The following TMPRSS15 variants were observed in gnomAD, a reference collection of about 807,000 sequenced individuals.
TMPRSS15 encodes the protein enteropeptidase.
Under a neutral mutation model 125.3 loss-of-function variants are expected in TMPRSS15, and 128 were observed. The ratio of observed to expected loss-of-function variants is 1.02; its 90% confidence interval spans 0.89 to 1.18. The LOEUF (loss-of-function observed/expected upper bound fraction) is 1.18. TMPRSS15 is among the 50% of genes most tolerant of loss of function. The probability of loss-of-function intolerance (pLI) is 0.00; values close to 1 mark genes in which losing one functional copy is unlikely to be tolerated. For missense variants in TMPRSS15, 1,283 were observed against 1,212.7 expected (o/e 1.06, Z -0.86); for synonymous variants, 446 against 423.2 (o/e 1.05, Z -0.66).
intron 7 of TMPRSS15, among the ~76,000 whole-genome samples, chr21:18,360,520 T>A (rs2075670187): frequency 6.6e-6 from 1 of 152,114 alleles, no homozygotes; most frequent in Admixed American, 6.6e-5. Context: ...CCATTTCAGG[T>A]CTTCTCGATA....
At chr21:18,283,567 A>G (rs1215476925) in intron 21 of TMPRSS15, among the ~76,000 whole-genome samples, 1 of 151,758 alleles carries the variant, frequency 6.6e-6, no homozygotes, top group African/African-American at 2.4e-5. Context: ...CTATATAAAT[A>G]TTACCTATAT....
chr21:18,351,171 G>A (rs937014666), intron 10 of TMPRSS15, among the ~76,000 whole-genome samples: 5 of 151,892 alleles, frequency 3.3e-5, no homozygotes, highest in Non-Finnish European at 5.9e-5. Context: ...TTAAAATCAG[G>A]AATATTAATC....
At chr21:18,450,485 C>G (rs888733948) in intron 1 of TMPRSS15, among the ~76,000 whole-genome samples, 12 of 152,080 alleles carry the variant, frequency 7.9e-5, no homozygotes, top group African/African-American at 2.7e-4. Context: ...TTATACCATC[C>G]CTTGACAATG....
chr21:18,390,050 T>C (rs533142047), intron 3 of TMPRSS15, among the ~76,000 whole-genome samples: 1 of 152,330 alleles, frequency 6.6e-6, no homozygotes, highest in South Asian at 2.1e-4. Context: ...ATGCCAGCTC[T>C]ATTATATCCT....
chr21:18,394,543 CTCTCTCTCTG>C (rs2076017169), intron 3 of TMPRSS15, among the ~76,000 whole-genome samples: 1 of 151,906 alleles, frequency 6.6e-6, no homozygotes. Context: ...GTCTCTCTCT[CTCTCTCTCTG>C]TCTCTCTCTC....
chr21:18,300,738 C>T (rs866323240), intron 18 of TMPRSS15, among the ~76,000 whole-genome samples: 16 of 152,088 alleles, frequency 1.1e-4, no homozygotes, highest in African/African-American at 3.9e-4. Flanking sequence ...ATTTTTTAAG[C>T]AAGCCTATTT....
intron 1 of TMPRSS15, among the ~76,000 whole-genome samples, chr21:18,438,013 AG>A (rs1197462925): frequency 6.6e-6 from 1 of 151,538 alleles, no homozygotes; most frequent in Non-Finnish European, 1.5e-5. Context: ...GCTGCTATAA[AG>A]ACACATACAC....
chr21:18,360,085 T>A (rs2075665998), intron 7 of TMPRSS15, among the ~76,000 whole-genome samples: 1 of 152,092 alleles, frequency 6.6e-6, no homozygotes, highest in Admixed American at 6.6e-5. Context: ...TATCACTGAA[T>A]GACAACTTCC....
intron 1 of TMPRSS15, among the ~76,000 whole-genome samples, chr21:18,446,525 C>A (rs2076256109): frequency 6.6e-6 from 1 of 152,024 alleles, no homozygotes; most frequent in Non-Finnish European, 1.5e-5. Flanking sequence ...AAGCTAGAAG[C>A]AACATACTAC....
intron 16 of TMPRSS15, among the ~76,000 whole-genome samples, chr21:18,319,725 G>A (rs529505644): frequency 7.2e-5 from 11 of 152,228 alleles, no homozygotes; most frequent in Admixed American, 3.9e-4. Context: ...CACCGCGCCC[G>A]GCCTTTCACT....
chr21:18,363,787 AAAC>A (rs1362635183), intron 7 of TMPRSS15, among the ~76,000 whole-genome samples: 6 of 152,106 alleles, frequency 3.9e-5, no homozygotes, highest in Non-Finnish European at 7.4e-5. Flanking sequence ...TGTAGGTTGA[AAAC>A]AATATTCTCC....
At chr21:18,423,275 C>T (rs1293569130) in intron 1 of TMPRSS15, among the ~76,000 whole-genome samples, 1 of 152,180 alleles carries the variant, frequency 6.6e-6, no homozygotes, top group African/African-American at 2.4e-5. Context: ...CAGCAGCCTG[C>T]TATAGATTTC....
chr21:18,379,409 C>G, intron 4 of TMPRSS15, 91 bp from the exon 5 acceptor site: 1 of 550,696 alleles, frequency 1.8e-6, no homozygotes, highest in Non-Finnish European at 2.9e-6. Flanking sequence ...AATAATTAAC[C>G]TAAGAATTTT....
chr21:18,348,704 A>G (rs900028110), intron 10 of TMPRSS15, among the ~76,000 whole-genome samples: 1 of 152,208 alleles, frequency 6.6e-6, no homozygotes, highest in Non-Finnish European at 1.5e-5. Context: ...TTAAATGAAG[A>G]TATCTGAAAG....
intron 22 of TMPRSS15, among the ~76,000 whole-genome samples, chr21:18,279,309 CTCTTTTTTTTTTTT>C (rs2074662053): frequency 1.3e-5 from 1 of 79,638 alleles, no homozygotes; most frequent in African/African-American, 3.8e-5. Flanking sequence ...CTCCTCGTTA[CTCTTTTTTTTTTTT>C]TTTTTTTTTT....
At chr21:18,338,177 A>C (rs942849696) in intron 13 of TMPRSS15, among the ~76,000 whole-genome samples, 1 of 152,136 alleles carries the variant, frequency 6.6e-6, no homozygotes, top group Non-Finnish European at 1.5e-5. Context: ...GTTTCTATGT[A>C]TGATATGATG....
In TMPRSS15 at chr21:18,344,064, T is replaced by TA; in HGVS notation, c.1172-5dup. ...GTTGGGGTAGAAATGTAAAATCCTG[T>TA]AAAAATATCAAAAAAAATTTATTTC... On this transcript the variant is annotated splice_region_variant and splice_polypyrimidine_tract_variant and intron_variant, in intron 10 of 24. Transcript: ENST00000284885. 1 of 1,610,476 alleles carries TA rather than the reference T, an allele frequency of 6.2e-7. No homozygotes were observed. The highest frequency in any genetic ancestry group is 1.3e-5 in the African/African-American group (1 of 74,954).
intron 3 of TMPRSS15, among the ~76,000 whole-genome samples, chr21:18,396,682 G>C (rs12482824): frequency 0.082 from 12,426 of 151,046 alleles, 606 homozygotes; most frequent in South Asian, 0.13. Context: ...GCTGAGGCAG[G>C]AGAATGGCGT....
At position 18,397,862 on chromosome 21, in the gene TMPRSS15, T is replaced by G. The variant is rs779224379; in HGVS notation, c.344+17A>C. On this transcript the variant is annotated intron_variant, in intron 3 of 24. Transcript: ENST00000284885. ...CACTAATTTTCCATCAGTAGAAAAT[T>G]TTTGAGCTATACTCACTCAAATTGT... is the stretch of plus-strand genomic sequence containing the variant. 2 of 1,450,684 alleles carry G rather than the reference T, an allele frequency of 1.4e-6. No homozygotes were observed. Among genetic ancestry groups the G allele is most frequent in the East Asian group, 2.3e-5 (1 of 42,606 alleles). The allele number at this position is 1,450,684 out of a possible 1,614,324, so 89.9% of individuals were successfully genotyped here.
Sources: allele counts gnomAD v4.1 joint callset (sites outside exome capture counted in the v4.1 genomes callset), GRCh38; gene constraint gnomAD v4.1.1; transcripts MANE v1.5; gene names NCBI Gene and HGNC (gene_info 2026-07-23, HGNC 2026-07-21).